Variants in SHROOM3 observed in about 807,000 individuals in gnomAD.
SHROOM3 encodes protein Shroom3.
In SHROOM3, 47 loss-of-function variants were observed where a neutral mutation model predicts 138.6. That is an observed-to-expected ratio of 0.34 (90% CI 0.27 to 0.43). The LOEUF is 0.43. SHROOM3 is among the 20% of genes least tolerant of loss of function. The pLI is 1.00. For synonymous variants in SHROOM3, 1,062 were observed against 1,063.3 expected (o/e 1.00, Z 0.02); for missense variants, 2,491 against 2,596.5 (o/e 0.96, Z 0.88).
chr4:76,772,467 G>A (rs897115469), intron 10 of SHROOM3, among the ~76,000 whole-genome samples: 2 of 152,014 alleles, frequency 1.3e-5, no homozygotes, highest in Non-Finnish European at 2.9e-5. Context: ...CTAATACATT[G>A]CATTAAAAGG....
At chr4:76,681,594 G>GGTGTGTGTGTGTGTGTGTGTGTGT (rs558707266) in intron 2 of SHROOM3, among the ~76,000 whole-genome samples, 80 of 81,004 alleles carry the variant, frequency 9.9e-4, no homozygotes, top group East Asian at 3.9e-3. Flanking sequence ...CAGAGTCTAG[G>GGTGTGTGTGTGTGTGTGTGTGTGT]GTGTGTGTGT....
chr4:76,603,965 C>T (rs374978000), intron 2 of SHROOM3, among the ~76,000 whole-genome samples: 100 of 151,566 alleles, frequency 6.6e-4, no homozygotes, highest in African/African-American at 2.3e-3. Context: ...GCCTCAGCCT[C>T]CCGAGTAGTT....
At chr4:76,508,779 A>G (rs1732268551) in intron 1 of SHROOM3, among the ~76,000 whole-genome samples, 2 of 152,184 alleles carry the variant, frequency 1.3e-5, no homozygotes, top group Admixed American at 1.3e-4. Context: ...TTTTGCTGCC[A>G]TAACAAAATA....
chr4:76,681,505 G>A (rs1719189845), intron 2 of SHROOM3, among the ~76,000 whole-genome samples: 1 of 151,570 alleles, frequency 6.6e-6, no homozygotes, highest in Non-Finnish European at 1.5e-5. Flanking sequence ...CATTCAGCTG[G>A]GAGACAGAAA....
At chr4:76,562,831 G>A (rs1039653042) in intron 2 of SHROOM3, among the ~76,000 whole-genome samples, 3 of 152,204 alleles carry the variant, frequency 2.0e-5, no homozygotes, top group Admixed American at 2.0e-4. Context: ...AAATGGAACA[G>A]AACTCCCTAT....
chr4:76,770,324 CAAAAAAAAAAAAAAA>C (rs529468839), intron 9 of SHROOM3, among the ~76,000 whole-genome samples: 2 of 36,088 alleles, frequency 5.5e-5, no homozygotes, highest in Admixed American at 3.5e-4. Flanking sequence ...AACTCTGTCT[CAAAAAAAAAAAAAAA>C]AAAAAAAAAA....
Position 76,739,932 on chromosome 4 carries a change from G to A in SHROOM3, c.1759G>A (p.Glu587Lys). ...PPQGNSPHSN[E>K]RKSTHSNKPS... ...CCAAGGCAACAGCCCACATTCCAAT[G>A]AGAGAAAGAGCACCCACAGTAACAA... is the stretch of plus-strand genomic sequence containing the variant. The change falls in exon 5 of 11, where the codon GAG (glutamate) becomes AAG (lysine). Residue 587 changes from glutamate (E) to lysine (K), a missense_variant. Physicochemically the swap from Glu to Lys is moderately conservative, Grantham distance 56. Around this residue, in one of 4 missense-constraint regions of SHROOM3, gnomAD observed 1,733 missense variants for 1,661.6 expected, o/e 1.04. Coordinates refer to ENST00000296043, the MANE Select transcript of SHROOM3 (RefSeq NM_020859.4). 4 of 1,614,198 alleles carry A rather than the reference G, an allele frequency of 2.5e-6. No individual in the cohort carries two copies. The highest frequency in any genetic ancestry group is 3.4e-6 in the Non-Finnish European group (4 of 1,180,056).
Position 76,754,387 on chromosome 4 carries a change from T to A in SHROOM3, c.3904T>A (p.Ser1302Thr). Residue 1302 changes from serine to threonine, a missense_variant, in exon 7 of 11, where the codon TCA (serine) becomes ACA (threonine). Coordinates refer to ENST00000296043, the MANE Select transcript of SHROOM3 (RefSeq NM_020859.4). ...FHHLTPRWGG[S>T]GCKAIGDSSV... Reference sequence around the variant, plus strand: ...CCATCTCACCCCTCGTTGGGGTGGTTCAGGCTGCAAAGCCATTGGTGATTC... The same window carrying A: ...CCATCTCACCCCTCGTTGGGGTGGTACAGGCTGCAAAGCCATTGGTGATTC... 6.2e-7 allele frequency: 1 copy of A among 1,614,132 alleles called. No individual in the cohort carries two copies.
intron 2 of SHROOM3, among the ~76,000 whole-genome samples, chr4:76,699,305 T>C (rs998033385): frequency 1.3e-5 from 2 of 152,322 alleles, no homozygotes; most frequent in Admixed American, 6.5e-5. Flanking sequence ...AACATGCTCA[T>C]CCCTTGTTGA....
rs566204681 is a variant in SHROOM3, at chr4:76,770,581, G to A, written c.5350-45G>A. ...GGGGAGGTGACTTCTGCTTCCACTGGCACCTCCTGTTGGCTGATCTTTGCG... is the reference window on the plus strand; with the variant it reads ...GGGGAGGTGACTTCTGCTTCCACTGACACCTCCTGTTGGCTGATCTTTGCG... On this transcript the variant is annotated intron_variant, in intron 9 of 10. Coordinates refer to ENST00000296043, the MANE Select transcript of SHROOM3 (RefSeq NM_020859.4). 7 of 1,609,248 alleles carry A rather than the reference G, an allele frequency of 4.3e-6. No homozygotes were observed. The African/African-American group carries it at 8.0e-5, about 18-fold the overall frequency.
Position 76,779,073 on chromosome 4 carries a change from A to G in SHROOM3, c.5887A>G (p.Lys1963Glu). Residue 1963 changes from lysine (K) to glutamate (E), a missense_variant, in exon 11 of 11, where the codon AAG (lysine) becomes GAG (glutamate). Coordinates refer to ENST00000296043, the MANE Select transcript of SHROOM3 (RefSeq NM_020859.4). ...LESLPSDFIP[K>E]AGALALPPNL... ...GAGCCTGCCCTCAGATTTCATTCCC[A>G]AGGCTGGGGCCCTGGCTCTGCCCCC... is the stretch of plus-strand genomic sequence containing the variant. 1 of 1,614,152 alleles carries G rather than the reference A, an allele frequency of 6.2e-7. No homozygotes were observed. Among genetic ancestry groups the G allele is most frequent in the Non-Finnish European group, 8.5e-7 (1 of 1,180,014 alleles).
At chr4:76,777,580 CCTTT>C (rs1249598567) in intron 10 of SHROOM3, among the ~76,000 whole-genome samples, 4 of 152,052 alleles carry the variant, frequency 2.6e-5, no homozygotes, top group East Asian at 1.9e-4. Context: ...ATTTGGATGC[CCTTT>C]CTTTCTTTCT....
intron 2 of SHROOM3, among the ~76,000 whole-genome samples, chr4:76,686,666 C>G (rs1719344433): frequency 6.6e-6 from 1 of 152,044 alleles, no homozygotes; most frequent in Non-Finnish European, 1.5e-5. Flanking sequence ...TTCTCAATAT[C>G]TATATGAATC....
chr4:76,548,490 G>C (rs369832950), intron 1 of SHROOM3, among the ~76,000 whole-genome samples: 1 of 152,184 alleles, frequency 6.6e-6, no homozygotes. Context: ...AAAGCACCAC[G>C]TCAAGCTGTG....
intron 3 of SHROOM3, among the ~76,000 whole-genome samples, chr4:76,717,290 G>A (rs1001052318): frequency 2.2e-4 from 33 of 152,122 alleles, no homozygotes; most frequent in African/African-American, 7.2e-4. Flanking sequence ...TTGGTTTTCT[G>A]TAGTTTGAAA....
At chr4:76,564,516 A>T (rs998603094) in intron 2 of SHROOM3, among the ~76,000 whole-genome samples, 1 of 152,094 alleles carries the variant, frequency 6.6e-6, no homozygotes, top group Non-Finnish European at 1.5e-5. Context: ...ATAGTATTTT[A>T]TTTCCTAACC....
intron 9 of SHROOM3, among the ~76,000 whole-genome samples, chr4:76,763,626 G>T (rs932489802): frequency 7.2e-5 from 11 of 152,154 alleles, no homozygotes; most frequent in African/African-American, 2.7e-4. Flanking sequence ...AACAGTGGGA[G>T]ATGAGGCTGG....
At chr4:76,443,422 A>C (rs1730738233) in intron 1 of SHROOM3, among the ~76,000 whole-genome samples, 1 of 152,270 alleles carries the variant, frequency 6.6e-6, no homozygotes, top group African/African-American at 2.4e-5. Flanking sequence ...GAGACTTTCT[A>C]TCAATTTTTG....
At chr4:76,620,891 C>A (rs1479032590) in intron 2 of SHROOM3, among the ~76,000 whole-genome samples, 3 of 151,956 alleles carry the variant, frequency 2.0e-5, no homozygotes, top group Non-Finnish European at 4.4e-5. Flanking sequence ...TCACTTCTAC[C>A]CAGAAGCAGA....
Sources: allele counts gnomAD v4.1 joint callset (sites outside exome capture counted in the v4.1 genomes callset), GRCh38; gene constraint gnomAD v4.1.1; regional missense constraint gnomAD v4.1.1; transcripts MANE v1.5; gene names NCBI Gene and HGNC (gene_info 2026-07-23, HGNC 2026-07-21).